Variants in KHDRBS2 observed in about 807,000 individuals in gnomAD.
The protein encoded by KHDRBS2 is KH RNA binding domain containing, signal transduction associated 2.
In KHDRBS2, 26 loss-of-function variants were observed where a neutral mutation model predicts 44.3. That is an observed-to-expected ratio of 0.59 (90% confidence interval 0.43 to 0.81). KHDRBS2 has a LOEUF of 0.81. KHDRBS2 is among the 40% of genes least tolerant of loss of function. The pLI, the probability that KHDRBS2 is intolerant of heterozygous loss-of-function variation, is 0.00. For missense variants in KHDRBS2, 476 were observed against 433.1 expected, an observed-to-expected ratio of 1.10 and a Z score of -0.88; for synonymous variants, 194 against 151.1, an observed-to-expected ratio of 1.28 and a Z score of -2.08.
chr6:61,711,635 G>GA (rs1770530017), intron 7 of KHDRBS2, among the ~76,000 whole-genome samples: 1 of 151,790 alleles, frequency 6.6e-6, no homozygotes, highest in Non-Finnish European at 1.5e-5. Context: ...AAGGACTTTT[G>GA]AAGAAAGAAA....
At chr6:61,691,108 G>T (rs1037995683) in intron 8 of KHDRBS2, among the ~76,000 whole-genome samples, 1 of 152,022 alleles carries the variant, frequency 6.6e-6, no homozygotes, top group Non-Finnish European at 1.5e-5. Flanking sequence ...CTCAACAGGT[G>T]ATCCTAAAAT....
intron 6 of KHDRBS2, among the ~76,000 whole-genome samples, chr6:61,813,365 T>C (rs1408500414): frequency 2.0e-5 from 3 of 152,164 alleles, no homozygotes; most frequent in Non-Finnish European, 2.9e-5. Context: ...CCCAACTATA[T>C]AGTTTGTTAA....
chr6:62,027,365 T>C (rs1012573510), intron 3 of KHDRBS2, among the ~76,000 whole-genome samples: 14 of 152,276 alleles, frequency 9.2e-5, no homozygotes, highest in African/African-American at 3.4e-4. Flanking sequence ...GAAATATATA[T>C]TTGATCTTCT....
intron 6 of KHDRBS2, among the ~76,000 whole-genome samples, chr6:61,845,466 C>T (rs1370044054): frequency 2.0e-5 from 3 of 152,136 alleles, no homozygotes; most frequent in East Asian, 1.9e-4. Context: ...CATGCCACTA[C>T]GCCCAGCTAA....
At chr6:61,552,162 T>A in the KHDRBS2 span, among the ~76,000 whole-genome samples, 1 of 152,218 alleles carries the variant, frequency 6.6e-6, no homozygotes. Flanking sequence ...CATATTTTTC[T>A]ATTTGTTTGT....
intron 1 of KHDRBS2, among the ~76,000 whole-genome samples, chr6:62,249,066 T>C (rs1186180574): frequency 2.6e-5 from 4 of 152,146 alleles, no homozygotes; most frequent in Non-Finnish European, 4.4e-5. Context: ...TCAATTTTTT[T>C]ACAACTCAGT....
chr6:61,813,747 G>A (rs772609829), intron 6 of KHDRBS2, among the ~76,000 whole-genome samples: 51 of 152,022 alleles, frequency 3.4e-4, no homozygotes, highest in Non-Finnish European at 5.1e-4. Context: ...TTAATATAGT[G>A]AAATCCCATA....
intron 3 of KHDRBS2, among the ~76,000 whole-genome samples, chr6:61,988,408 A>T (rs2127242595): frequency 6.6e-6 from 1 of 152,292 alleles, no homozygotes; most frequent in South Asian, 2.1e-4. Flanking sequence ...GCAATATGGG[A>T]GTACACTTAT....
At chr6:61,642,055 C>T in the KHDRBS2 span, among the ~76,000 whole-genome samples, 1 of 152,116 alleles carries the variant, frequency 6.6e-6, no homozygotes, top group African/African-American at 2.4e-5. Context: ...ATACTATTAA[C>T]ATGTCTACGG....
At chr6:61,900,947 T>G (rs1278554437) in intron 5 of KHDRBS2, among the ~76,000 whole-genome samples, 1 of 152,168 alleles carries the variant, frequency 6.6e-6, no homozygotes, top group Non-Finnish European at 1.5e-5. Flanking sequence ...GTTAAAAGTA[T>G]AAAATGTGAA....
intron 3 of KHDRBS2, among the ~76,000 whole-genome samples, chr6:62,004,579 G>C (rs989129153): frequency 5.3e-5 from 8 of 151,842 alleles, no homozygotes; most frequent in African/African-American, 1.9e-4. Context: ...TCTACCAGAG[G>C]TACAAAGAGG....
chr6:61,656,534 T>A, the KHDRBS2 span, among the ~76,000 whole-genome samples: 2 of 151,986 alleles, frequency 1.3e-5, no homozygotes. Flanking sequence ...ATATTGCGTC[T>A]CTTTTTACTT....
At chr6:62,145,444 A>C (rs182603937) in intron 2 of KHDRBS2, among the ~76,000 whole-genome samples, 1 of 151,764 alleles carries the variant, frequency 6.6e-6, no homozygotes, top group African/African-American at 2.4e-5. Context: ...TATGATAATG[A>C]CTTTTGTATG....
chr6:62,229,157 G>T (rs1832448182), intron 1 of KHDRBS2, among the ~76,000 whole-genome samples: 1 of 152,046 alleles, frequency 6.6e-6, no homozygotes, highest in Non-Finnish European at 1.5e-5. Context: ...CCTTCCCTAG[G>T]GGCTTATGCC....
intron 2 of KHDRBS2, among the ~76,000 whole-genome samples, chr6:62,108,621 C>A (rs1399313996): frequency 1.3e-5 from 2 of 152,162 alleles, no homozygotes; most frequent in Non-Finnish European, 1.5e-5. Context: ...GACTATAAAT[C>A]ATGTTGTTAT....
At chr6:62,243,765 G>A (rs1163372457) in intron 1 of KHDRBS2, among the ~76,000 whole-genome samples, 4 of 152,090 alleles carry the variant, frequency 2.6e-5, no homozygotes, top group Non-Finnish European at 4.4e-5. Context: ...CTTCATCTAC[G>A]AAGTGAAGAT....
At chr6:61,795,260 A>G (rs1485870516) in intron 6 of KHDRBS2, among the ~76,000 whole-genome samples, 1 of 152,172 alleles carries the variant, frequency 6.6e-6, no homozygotes, top group Non-Finnish European at 1.5e-5. Flanking sequence ...CAAAGTACTG[A>G]AAGTCACACT....
chr6:61,721,132 A>G (rs9362354), intron 7 of KHDRBS2, among the ~76,000 whole-genome samples: 62,473 of 151,156 alleles, frequency 0.41, 13,226 homozygotes, highest in Middle Eastern at 0.51. Flanking sequence ...TGTTCCATTG[A>G]TCTGTATCTC....
chr6:61,679,665 GCAA>G (rs756317467), downstream of KHDRBS2, among the ~76,000 whole-genome samples: 13 of 151,948 alleles, frequency 8.6e-5, no homozygotes, highest in Non-Finnish European at 1.2e-4. Context: ...AGGTTGAATA[GCAA>G]CAACTGGCCA....
Sources: allele counts gnomAD v4.1 joint callset (sites outside exome capture counted in the v4.1 genomes callset), GRCh38; gene constraint gnomAD v4.1.1; transcripts MANE v1.5; gene names NCBI Gene and HGNC (gene_info 2026-07-23, HGNC 2026-07-21).